TRAF3: variants seen among roughly 807,000 people sequenced by gnomAD.
TRAF3 encodes the protein TNF receptor-associated factor 3.
Under a neutral mutation model 62.3 loss-of-function variants are expected in TRAF3, and 13 were observed. The observed-to-expected ratio is 0.21, with a 90% CI of 0.14 to 0.33. TRAF3 has a LOEUF of 0.33. Ranked by LOEUF, TRAF3 falls within the 10% of genes least tolerant of loss-of-function variation. The pLI is 1.00. For synonymous variants in TRAF3, 269 were observed against 283.4 expected (o/e 0.95, Z 0.51); for missense variants, 440 against 741.8 (o/e 0.59, Z 4.73).
intron 1 of TRAF3, among the ~76,000 whole-genome samples, chr14:102,823,550 T>G (rs1900107876): frequency 2.6e-5 from 4 of 152,214 alleles, no homozygotes; most frequent in Non-Finnish European, 5.9e-5. Context: ...TTGTTTTGAC[T>G]AGTGAGAAGC....
intron 1 of TRAF3, among the ~76,000 whole-genome samples, chr14:102,801,871 C>T (rs1898441092): frequency 6.6e-6 from 1 of 151,298 alleles, no homozygotes; most frequent in Non-Finnish European, 1.5e-5. Flanking sequence ...AAAAAATTAG[C>T]CGGGCGTGGT....
chr14:102,866,712 G>A (rs928965980), intron 2 of TRAF3, among the ~76,000 whole-genome samples: 3 of 152,108 alleles, frequency 2.0e-5, no homozygotes, highest in African/African-American at 7.2e-5. Context: ...GGGCATGGTG[G>A]CATGTGCCTA....
intron 2 of TRAF3, among the ~76,000 whole-genome samples, chr14:102,868,739 G>C (rs1313171713): frequency 6.6e-6 from 1 of 152,196 alleles, no homozygotes; most frequent in African/African-American, 2.4e-5. Context: ...TATTTAGGAT[G>C]ATTGATCAAA....
At chr14:102,861,133 T>C (rs1238929554) in intron 2 of TRAF3, among the ~76,000 whole-genome samples, 2 of 152,244 alleles carry the variant, frequency 1.3e-5, no homozygotes, top group African/African-American at 4.8e-5. Flanking sequence ...AGGTGGCTGC[T>C]TTTTGGGAGC....
chr14:102,905,707 G>A lies in TRAF3; in HGVS notation c.1630G>A (p.Glu544Lys). The A allele has an allele frequency of 6.2e-7, 1 of 1,612,494 alleles. No individual in the cohort carries two copies. The highest frequency in any genetic ancestry group is 8.5e-7 in the Non-Finnish European group (1 of 1,178,836). The change falls in exon 12 of 12, where the codon GAA becomes AAA. Residue 544 changes from glutamate (E) to lysine (K), a missense_variant. Around this residue, in one of 6 missense-constraint regions of TRAF3, gnomAD observed 59 missense variants for 120.9 expected, o/e 0.49. Transcript: ENST00000392745. The part of the protein sequence containing the change: ...CPVFVAQTVL[E>K]NGTYIKDDTI... The stretch of plus-strand genomic sequence containing the variant: ...AGTCTTTGTGGCCCAAACTGTTCTA[G>A]AAAATGGGACATATATTAAAGATGA...
chr14:102,821,771 C>T (rs893984892), intron 1 of TRAF3, among the ~76,000 whole-genome samples: 1 of 152,152 alleles, frequency 6.6e-6, no homozygotes, highest in African/African-American at 2.4e-5. Flanking sequence ...TGGCCGGGCA[C>T]GGTGGCTCAC....
intron 3 of TRAF3, 98 bp from the exon 4 acceptor site, chr14:102,871,819 G>C (rs1198245590): frequency 4.4e-6 from 5 of 1,123,802 alleles, no homozygotes; most frequent in African/African-American, 1.5e-5. Flanking sequence ...GTGAGCCACT[G>C]TGCAGACCTG....
At chr14:102,784,952 G>A (rs1393572397) in intron 1 of TRAF3, among the ~76,000 whole-genome samples, 1 of 152,136 alleles carries the variant, frequency 6.6e-6, no homozygotes, top group Non-Finnish European at 1.5e-5. Context: ...AAAGGCACCC[G>A]GCCACTTCTG....
Position 102,886,153 on chromosome 14 carries a change from T to C in TRAF3, c.571-36T>C, listed in dbSNP as rs772715983. ...AGCGGGACTGAAGGAAGACAGGTTG[T>C]GTGTTTAAAGTTGATAGTACTTTCT... is the stretch of plus-strand genomic sequence containing the variant. On this transcript the variant is annotated intron_variant, in intron 6 of 11. Coordinates refer to ENST00000392745, the MANE Select transcript of TRAF3 (RefSeq NM_145725.3). 3.7e-6 allele frequency: 6 copies of C among 1,607,772 alleles called. No individual in the cohort carries two copies. The Admixed American group carries it at 8.3e-5, about 22-fold the overall frequency.
At chr14:102,831,249 A>G (rs994091798) in intron 2 of TRAF3, among the ~76,000 whole-genome samples, 4 of 151,980 alleles carry the variant, frequency 2.6e-5, no homozygotes, top group Admixed American at 2.0e-4. Context: ...TTTTGCCTGG[A>G]TGTTCTTTTT....
intron 1 of TRAF3, among the ~76,000 whole-genome samples, chr14:102,795,619 T>TGTGTGTGC (rs767401587): frequency 2.0e-4 from 31 of 151,850 alleles, no homozygotes; most frequent in Non-Finnish European, 2.6e-4. Flanking sequence ...TGTGTGTGTG[T>TGTGTGTGC]GCATAGTTTT....
intron 2 of TRAF3, among the ~76,000 whole-genome samples, chr14:102,852,194 C>G (rs1887084983): frequency 6.6e-6 from 1 of 152,084 alleles, no homozygotes; most frequent in African/African-American, 2.4e-5. Flanking sequence ...ACTCAACCTC[C>G]TGGGCTCAAG....
At chr14:102,846,758 G>A (rs999243899) in intron 2 of TRAF3, among the ~76,000 whole-genome samples, 13 of 151,966 alleles carry the variant, frequency 8.6e-5, no homozygotes, top group African/African-American at 2.2e-4. Context: ...CGAGGCTGCC[G>A]TGAGTTGTGG....
At chr14:102,894,901 T>C (rs2139962910) in intron 9 of TRAF3, among the ~76,000 whole-genome samples, 1 of 152,278 alleles carries the variant, frequency 6.6e-6, no homozygotes, top group South Asian at 2.1e-4. Flanking sequence ...TTTCGCCATG[T>C]TGTTATCCAG....
At position 102,841,864 on chromosome 14, in the gene TRAF3, G is replaced by A. The variant is rs141344993; in HGVS notation, c.-18+11392G>A. ...ATATGTTGCACACTCAACATAAAAC[G>A]TAGAGAAAAACATAAGCATACTGAG... is the stretch of plus-strand genomic sequence containing the variant. On this transcript the variant is annotated intron_variant, in intron 2 of 11. Transcript: ENST00000392745. 3.3e-3 allele frequency among the ~76,000 whole-genome samples: 501 copies of A among 152,094 alleles called. 8 individuals carry two copies. The East Asian group carries it at 0.034, about 10-fold the overall frequency.
rs373187273 is a variant in TRAF3, at chr14:102,815,083, T to C, written c.-156-15251T>C. Among the ~76,000 whole-genome samples the C allele has an allele frequency of 7.9e-5, 12 of 152,206 alleles. No individual in the cohort carries two copies. In the East Asian group the frequency reaches 1.7e-3, roughly 22 times the overall value. ...CCTGAGTAGCTAGGGCTACAGGCGG[T>C]ACCATTATGCCTGGTTAATTTTTTA... On this transcript the variant is annotated intron_variant, in intron 1 of 11. Transcript: ENST00000392745.
rs191683954 is a variant in TRAF3 at position 102,909,169 on chromosome 14, C to G, written c.*3385C>G. The G allele has an allele frequency of 6.6e-6, 1 of 152,286 alleles. No homozygotes were observed. Among genetic ancestry groups the G allele is most frequent in the Non-Finnish European group, 1.5e-5 (1 of 68,080 alleles). 9.4% of individuals were successfully genotyped at this position (152,286 alleles called of 1,614,324 possible). A position where few individuals can be genotyped will look rare whatever the true frequency, so the allele number is the denominator to read the frequency against. ...GGGAGCCTGAGTGAGCCCCGACATA[C>G]GCTGGGCCTTTCAGCTCGCCGTGCT... On this transcript the variant is annotated 3_prime_UTR_variant, in exon 12 of 12. Coordinates refer to ENST00000392745, the MANE Select transcript of TRAF3 (RefSeq NM_145725.3).
intron 2 of TRAF3, among the ~76,000 whole-genome samples, chr14:102,858,807 T>C (rs986385173): frequency 1.3e-5 from 2 of 152,224 alleles, no homozygotes; most frequent in Admixed American, 6.5e-5. Flanking sequence ...TATTTGACAG[T>C]GCTTCCTGTA....
intron 11 of TRAF3, among the ~76,000 whole-genome samples, chr14:102,904,548 C>G (rs376600653): frequency 6.6e-6 from 1 of 152,116 alleles, no homozygotes; most frequent in Admixed American, 6.5e-5. Context: ...CAGTGGCTCA[C>G]GCCTGTAATC....
Sources: gnomAD v4.1 joint callset for allele counts (sites outside exome capture counted in the v4.1 genomes callset) on GRCh38, gnomAD v4.1.1 for gene constraint, gnomAD v4.1.1 regional missense constraint, MANE v1.5 for transcripts, NCBI Gene and HGNC (gene_info 2026-07-23, HGNC 2026-07-21) for gene names.